TYK2: variants seen among roughly 807,000 people sequenced by gnomAD.
TYK2 encodes the protein tyrosine kinase 2, also known as non-receptor tyrosine-protein kinase TYK2.
TYK2 carries 65 observed loss-of-function variants against 130.9 expected under a neutral mutation model. The observed-to-expected ratio is 0.50, with a 90% CI of 0.41 to 0.61. The LOEUF is 0.61. TYK2 is among the 20% of genes least tolerant of loss of function. The pLI is 0.00. For missense variants in TYK2, 1,378 were observed against 1,610.7 expected, an observed-to-expected ratio of 0.86 and a Z score of 2.47; for synonymous variants, 647 against 658.9, an observed-to-expected ratio of 0.98 and a Z score of 0.28.
chr19:10,355,990 T>C (rs542153112), intron 18 of TYK2, among the ~76,000 whole-genome samples: 8 of 152,056 alleles, frequency 5.3e-5, no homozygotes, highest in African/African-American at 1.9e-4. Flanking sequence ...ATATTAATTT[T>C]TTAAAGAGAA....
In TYK2 at chr19:10,353,287, T is replaced by A. The variant is rs1599327231; in HGVS notation, c.3028-189A>T. 1.7e-5 allele frequency: 10 copies of A among 583,582 alleles called. No individual in the cohort carries two copies. The East Asian group carries it at 3.1e-4, about 18-fold the overall frequency. 36.2% of individuals were successfully genotyped at this position (583,582 alleles called of 1,614,324 possible). ...CTGAGCCAGAAAGCAGGGACGGGGC[T>A]AGACGAGCAAAGCTGGGCAGGAGGG... On this transcript the variant is annotated intron_variant, in intron 21 of 24. Transcript: ENST00000525621. This position sits in a 1 kb window ranked among gnomAD's most constrained non-coding sequence, Gnocchi z 6.9.
At chr19:10,371,533 G>A (rs1053192602) in intron 3 of TYK2, among the ~76,000 whole-genome samples, 2 of 151,974 alleles carry the variant, frequency 1.3e-5, no homozygotes, top group Admixed American at 6.6e-5. Flanking sequence ...CCAGCTACTC[G>A]GGAGGCTGAG....
In TYK2 at chr19:10,351,155, A is replaced by C. The variant is rs753179617; in HGVS notation, c.3326T>G (p.Leu1109Arg). The C allele has an allele frequency of 7.4e-6, 12 of 1,613,070 alleles. No individual in the cohort carries two copies. In the South Asian group the frequency reaches 1.3e-4, roughly 18 times the overall value. The change falls in exon 24 of 25, where the codon CTT (leucine) becomes CGT (arginine). Residue 1109 changes from leucine to arginine, a missense_variant. Leu to Arg is a moderately radical substitution (Grantham distance 102). Transcript: ENST00000525621. Reference sequence around the variant, plus strand: ...ACCCTGAGCAATGCCTATGAGCTCAAGGAATTTCTACAGTATAAACAAGAC... The same window carrying C: ...ACCCTGAGCAATGCCTATGAGCTCACGGAATTTCTACAGTATAAACAAGAC... The part of the protein sequence containing the change: ...DSSQSPPTKF[L>R]ELIGIAQGQM...
chr19:10,362,697 C>G (rs1459850438), intron 9 of TYK2, 40 bp from the exon 10 acceptor site: 11 of 1,507,616 alleles, frequency 7.3e-6, no homozygotes, highest in Non-Finnish European at 9.0e-6. Flanking sequence ...CCACCTGGGG[C>G]CACTCTGGAC....
chr19:10,378,867 CTTATCTTATCTTATT>C (rs2042269068), intron 2 of TYK2, among the ~76,000 whole-genome samples: 1 of 137,610 alleles, frequency 7.3e-6, no homozygotes, highest in Non-Finnish European at 1.6e-5. Context: ...CTTATCTTAT[CTTATCTTATCTTATT>C]TTTGAGACAG....
intron 3 of TYK2, among the ~76,000 whole-genome samples, chr19:10,373,578 G>C (rs12720346): frequency 6.6e-6 from 1 of 151,996 alleles, no homozygotes. Context: ...TGATCTGCCC[G>C]CCTCAGCCTC....
chr19:10,378,449 G>A, intron 2 of TYK2, 23 bp from the exon 3 acceptor site: 1 of 1,589,838 alleles, frequency 6.3e-7, no homozygotes, highest in African/African-American at 1.3e-5. Flanking sequence ...CAATCTGTCA[G>A]CTCCCAAGTC....
At chr19:10,354,482 G>T in intron 19 of TYK2, 30 bp downstream of exon 19, 2 of 1,598,578 alleles carry the variant, frequency 1.3e-6, no homozygotes, top group Non-Finnish European at 1.7e-6. Flanking sequence ...GACCAGGCGG[G>T]CCTTTTAGCA....
chr19:10,352,022 G>C (rs200624535), intron 23 of TYK2, among the ~76,000 whole-genome samples: 1 of 151,436 alleles, frequency 6.6e-6, no homozygotes, highest in East Asian at 1.9e-4. Context: ...ACAGGTGTCA[G>C]CCACCGCGCC....
rs754920273 is a variant in TYK2, at chr19:10,350,842, C to A, written c.3556G>T (p.Val1186Leu). 5 of 1,613,478 alleles carry A rather than the reference C, an allele frequency of 3.1e-6. No homozygotes were observed. Among genetic ancestry groups the A allele is most frequent in the Non-Finnish European group, 4.2e-6 (5 of 1,180,022 alleles). Residue 1186 changes from valine to leucine, a missense_variant, in exon 25 of 25, where the codon GTG becomes TTG. Transcript: ENST00000525621. ...AGGGCTGCCATTGTGCCTCAGCACA[C>A]GCTGAACACTGAAGGGGCCTGGCCT... Reference protein sequence around the residue: ...YQGQAPSVFSVC With the variant: ...YQGQAPSVFSLC
In TYK2 at chr19:10,364,445, C is replaced by T. The variant is rs12720271; in HGVS notation, c.1367+169G>A. ...AGGAGAATCGCTTGAACCCGGGAGG[C>T]GGAGGCTGCAGTGAGCTGAGATCAT... is the stretch of plus-strand genomic sequence containing the variant. On this transcript the variant is annotated intron_variant, in intron 9 of 24. Coordinates refer to ENST00000525621, the MANE Select transcript of TYK2 (RefSeq NM_003331.5). The surrounding 1 kb of genome is among the most constrained non-coding windows in gnomAD (Gnocchi z 4.9). Among the ~76,000 whole-genome samples the T allele has an allele frequency of 2.1e-3, 322 of 152,050 alleles. 2 individuals are homozygous for T. Among genetic ancestry groups the T allele is most frequent in the African/African-American group, 7.3e-3 (304 of 41,476 alleles).
At chr19:10,371,929 TTA>T (rs1417522236) in intron 3 of TYK2, among the ~76,000 whole-genome samples, 1 of 152,098 alleles carries the variant, frequency 6.6e-6, no homozygotes, top group African/African-American at 2.4e-5. Flanking sequence ...AGCTGACTGT[TTA>T]TAGAGTGACT....
chr19:10,380,549 C>A lies in TYK2; in HGVS notation c.-355G>T, dbSNP rs1172404717. On this transcript the variant is annotated 5_prime_UTR_variant, in exon 1 of 25. Transcript: ENST00000525621. The stretch of plus-strand genomic sequence containing the variant: ...ACAAGCTCGAACCCGGACCCCTCCC[C>A]GCTCCCGCGGGTAGCTACTGCTTGT... 6.6e-6 allele frequency: 1 copy of A among 152,504 alleles called. No homozygotes were observed. The highest frequency in any genetic ancestry group is 1.5e-5 in the Non-Finnish European group (1 of 68,128). 9.4% of individuals were successfully genotyped at this position (152,504 alleles called of 1,614,324 possible). A position where few individuals can be genotyped will look rare whatever the true frequency, so the allele number is the denominator to read the frequency against.
At chr19:10,362,697 C>T in intron 9 of TYK2, 40 bp from the exon 10 acceptor site, 1 of 1,507,732 alleles carries the variant, frequency 6.6e-7, no homozygotes, top group East Asian at 2.5e-5. Context: ...CCACCTGGGG[C>T]CACTCTGGAC....
In TYK2 at chr19:10,357,767, G is replaced by A. The variant is rs769673045; in HGVS notation, c.2463C>T (p.Ser821=). The A allele has an allele frequency of 6.8e-6, 11 of 1,608,828 alleles. No individual in the cohort carries two copies. Among genetic ancestry groups the A allele is most frequent in the East Asian group, 4.5e-5 (2 of 44,624 alleles). ...GEAPLQSRSP[S]EKEHFYQRQH... ...CCCAAGGGTCTCCTAGACATACCTC[G>A]GAGGGACTGCGGCTCTGCAGAGGGG... Residue 821 remains serine, a synonymous_variant, in exon 17 of 25, where the codon TCC becomes TCT. Coordinates refer to ENST00000525621, the MANE Select transcript of TYK2 (RefSeq NM_003331.5).
chr19:10,352,208 A>C (rs183750491), intron 23 of TYK2, among the ~76,000 whole-genome samples: 77 of 151,570 alleles, frequency 5.1e-4, no homozygotes, highest in Middle Eastern at 3.4e-3. Flanking sequence ...AGTAGCTGGG[A>C]CTACAGGCGC....
chr19:10,356,935 G>A, intron 17 of TYK2: 1 of 598,508 alleles, frequency 1.7e-6, no homozygotes, highest in South Asian at 1.9e-5. Context: ...TGCAGAGCTG[G>A]AGTGTCACAG....
Position 10,351,148 on chromosome 19 carries a change from G to A in TYK2, c.3333C>T (p.Leu1111=). ...TCATCTGACCCTGAGCAATGCCTAT[G>A]AGCTCAAGGAATTTCTACAGTATAA... ...SQSPPTKFLE[L]IGIAQGQMTV... is the part of the protein sequence containing the mutation. The change falls in exon 24 of 25, where the codon CTC becomes CTT. Residue 1111 remains leucine (L), a synonymous_variant. Coordinates refer to ENST00000525621, the MANE Select transcript of TYK2 (RefSeq NM_003331.5). 2.5e-6 allele frequency: 4 copies of A among 1,613,660 alleles called. No homozygotes were observed. Among genetic ancestry groups the A allele is most frequent in the South Asian group, 2.2e-5 (2 of 91,054 alleles).
rs1170446229 is a variant in TYK2, at chr19:10,364,830, A to C, written c.1209+21T>G. ...CCCAGGCCATGATGGGCCCTAGCCC[A>C]GCCCCTACCCTGGGCCTCACCAGGC... On this transcript the variant is annotated intron_variant, in intron 8 of 24. Transcript: ENST00000525621. This position sits in a 1 kb window ranked among gnomAD's most constrained non-coding sequence, Gnocchi z 4.9. 6.2e-7 allele frequency: 1 copy of C among 1,614,014 alleles called. No homozygotes were observed. The highest frequency in any genetic ancestry group is 1.1e-5 in the South Asian group (1 of 91,092).
Sources: allele counts gnomAD v4.1 joint callset (sites outside exome capture counted in the v4.1 genomes callset), GRCh38; gene constraint gnomAD v4.1.1; non-coding constraint Gnocchi (gnomAD v3.1); transcripts MANE v1.5; gene names NCBI Gene and HGNC (gene_info 2026-07-23, HGNC 2026-07-21).